METTL21C: variants seen among roughly 807,000 people sequenced by gnomAD.
The protein encoded by METTL21C is methyltransferase 21C, AARS1 lysine.
A neutral mutation model predicts 25.9 loss-of-function variants in METTL21C; 21 were observed. That is an observed-to-expected ratio of 0.81 (90% CI 0.58 to 1.17). The LOEUF (loss-of-function observed/expected upper bound fraction) is 1.17. Ranked by LOEUF, METTL21C falls within the 50% of genes most tolerant of loss-of-function variation. The pLI is 0.00. For missense variants in METTL21C, 312 were observed against 315.1 expected (o/e 0.99, Z 0.07); for synonymous variants, 125 against 124.7 (o/e 1.00, Z -0.01).
chr13:102,698,353 G>T (rs1428292050), upstream of METTL21C, among the ~76,000 whole-genome samples: 1 of 152,176 alleles, frequency 6.6e-6, no homozygotes, highest in African/African-American at 2.4e-5. Context: ...CACGCAGCAT[G>T]GATCATGAGG....
intron 1 of METTL21C, 38 bp downstream of exon 1, chr13:102,694,331 C>T (rs1273103539): frequency 2.5e-6 from 4 of 1,584,340 alleles, no homozygotes; most frequent in Non-Finnish European, 3.4e-6. Flanking sequence ...AGGAAAACAA[C>T]TGAGGAAAAC....
At chr13:102,691,767 G>A (rs1327138719) in intron 1 of METTL21C, among the ~76,000 whole-genome samples, 1 of 152,236 alleles carries the variant, frequency 6.6e-6, no homozygotes, top group African/African-American at 2.4e-5. Context: ...CAGCCCCACA[G>A]CCCTGGGGGA....
the METTL21C span, among the ~76,000 whole-genome samples, chr13:102,701,933 G>A: frequency 1.4e-3 from 213 of 152,266 alleles, 1 homozygote; most frequent in African/African-American, 4.9e-3. Context: ...GGGAGGCTGA[G>A]GCGGGCAAAT....
chr13:102,702,871 G>T, the METTL21C span, among the ~76,000 whole-genome samples: 1 of 152,138 alleles, frequency 6.6e-6, no homozygotes, highest in Admixed American at 6.5e-5. Flanking sequence ...GATTACAGCC[G>T]TGAGCCACTG....
At position 102,686,976 on chromosome 13, in the gene METTL21C, C is replaced by G; in HGVS notation, c.364G>C (p.Gly122Arg). 2 of 1,614,056 alleles carry G rather than the reference C, an allele frequency of 1.2e-6. No individual in the cohort carries two copies. The highest frequency in any genetic ancestry group is 1.7e-6 in the Non-Finnish European group (2 of 1,179,944). Residue 122 changes from glycine to arginine, a missense_variant, in exon 3 of 4, where the codon GGA (glycine) becomes CGA (arginine). Transcript: ENST00000267273. ...GCCACAATGGAAACAAGGCCTGGTC[C>G]GGCACCAATTTCAAGTATTTTTGCA... is the stretch of plus-strand genomic sequence containing the variant. ...QDAKILEIGAGPGLVSIVASI... is the reference protein window; with the variant it reads ...QDAKILEIGARPGLVSIVASI...
At chr13:102,693,245 C>T (rs902991536) in intron 1 of METTL21C, among the ~76,000 whole-genome samples, 12 of 152,260 alleles carry the variant, frequency 7.9e-5, no homozygotes, top group Non-Finnish European at 1.5e-4. Flanking sequence ...ATCAACTTTG[C>T]TTTTAATATA....
Position 102,686,006 on chromosome 13 carries a change from C to A in METTL21C, c.*25G>T. ...ACACATTGCTCAAAAGACACAGTAA[C>A]GTTGTGAAAGGCATTTTGTTGGATT... On this transcript the variant is annotated 3_prime_UTR_variant, in exon 4 of 4. Coordinates refer to ENST00000267273, the MANE Select transcript of METTL21C (RefSeq NM_001010977.3). 1 of 1,542,040 alleles carries A rather than the reference C, an allele frequency of 6.5e-7. No homozygotes were observed. Among genetic ancestry groups the A allele is most frequent in the Non-Finnish European group, 8.7e-7 (1 of 1,143,284 alleles).
In METTL21C at chr13:102,694,873, T is replaced by TTCTCTCTC. The variant is rs111474584; in HGVS notation, c.-383_-376dup. ...ATTACTTTGCTAGAATTCTCTCTCT[T>TTCTCTCTC]TCTCTCTCTCTCTCTCTCTCTCTCT... On this transcript the variant is annotated 5_prime_UTR_variant, in exon 1 of 4. Transcript: ENST00000267273. Among the ~76,000 whole-genome samples the TTCTCTCTC allele has an allele frequency of 3.8e-3, 485 of 128,218 alleles. No homozygotes were observed. Among genetic ancestry groups the TTCTCTCTC allele is most frequent in the African/African-American group, 9.2e-3 (312 of 33,736 alleles). 84.1% of individuals were successfully genotyped at this position (128,218 alleles called of 152,430 possible).
At chr13:102,689,505 A>G (rs547481463) in intron 2 of METTL21C, among the ~76,000 whole-genome samples, 1 of 152,338 alleles carries the variant, frequency 6.6e-6, no homozygotes, top group Admixed American at 6.5e-5. Context: ...AGCCCCGTGG[A>G]ACCACTAACC....
rs144294453 is a variant in METTL21C, at chr13:102,693,166, C to T, written c.130+1203G>A. ...TCCTACCGTACAGACACCACAGACA[C>T]GATTAACCTCGAGAGCATAGATATT... On this transcript the variant is annotated intron_variant, in intron 1 of 3. Transcript: ENST00000267273. Among the ~76,000 whole-genome samples the T allele has an allele frequency of 2.7e-3, 410 of 152,066 alleles. 1 individual carries two copies. Among genetic ancestry groups the T allele is most frequent in the African/African-American group, 9.4e-3 (391 of 41,382 alleles).
At chr13:102,703,149 A>G in the METTL21C span, among the ~76,000 whole-genome samples, 1 of 152,172 alleles carries the variant, frequency 6.6e-6, no homozygotes, top group African/African-American at 2.4e-5. Flanking sequence ...TACCAATGAC[A>G]CCTTTCTTTC....
the METTL21C span, among the ~76,000 whole-genome samples, chr13:102,701,581 T>C: frequency 6.6e-6 from 1 of 152,140 alleles, no homozygotes; most frequent in Non-Finnish European, 1.5e-5. Context: ...AGGTTTGTTA[T>C]CACACATACT....
chr13:102,697,960 C>T (rs1885972873), upstream of METTL21C, among the ~76,000 whole-genome samples: 1 of 152,178 alleles, frequency 6.6e-6, no homozygotes, highest in African/African-American at 2.4e-5. Flanking sequence ...ATTTTTCCAG[C>T]AGGACCTCAG....
In METTL21C at chr13:102,686,249, A is replaced by T; in HGVS notation, c.577T>A (p.Ser193Thr). The T allele has an allele frequency of 1.2e-6, 2 of 1,614,200 alleles. No homozygotes were observed. The highest frequency in any genetic ancestry group is 2.2e-5 in the South Asian group (2 of 91,088). ...SAFYYDYVLA[S>T]DVVYHHYFLD... ...AAGTAGTGATGGTAGACCACATCTG[A>T]GGCTAGGACGTAATCATAGTAAAAA... The change falls in exon 4 of 4, where the codon TCA becomes ACA. Residue 193 changes from serine (S) to threonine (T), a missense_variant. Ser to Thr is a moderately conservative substitution (Grantham distance 58, BLOSUM62 1). Transcript: ENST00000267273.
chr13:102,701,614 T>C, the METTL21C span, among the ~76,000 whole-genome samples: 103 of 152,140 alleles, frequency 6.8e-4, no homozygotes, highest in African/African-American at 2.4e-3. Context: ...TGATTGTGTG[T>C]GTGTGTGTGT....
chr13:102,692,104 T>G (rs968187327), intron 1 of METTL21C, among the ~76,000 whole-genome samples: 1 of 152,130 alleles, frequency 6.6e-6, no homozygotes, highest in Admixed American at 6.5e-5. Flanking sequence ...GCCTGGGATA[T>G]GACTGTAAAA....
At position 102,686,079 on chromosome 13, in the gene METTL21C, A is replaced by G. The variant is rs758979011; in HGVS notation, c.747T>C (p.Tyr249=). The G allele has an allele frequency of 6.2e-7, 1 of 1,608,728 alleles. No homozygotes were observed. Among genetic ancestry groups the G allele is most frequent in the South Asian group, 1.1e-5 (1 of 90,302 alleles). Residue 249 remains tyrosine, a synonymous_variant, in exon 4 of 4, where the codon TAT becomes TAC. Coordinates refer to ENST00000267273, the MANE Select transcript of METTL21C (RefSeq NM_001010977.3). ...QVFDTTLLAE[Y]PESSVKLFKG... ...TAAAAAGTTTGACTGATGACTCTGG[A>G]TATTCAGCCAACAGTGTTGTGTCAA... is the stretch of plus-strand genomic sequence containing the variant.
chr13:102,693,913 A>G (rs527471899), intron 1 of METTL21C, among the ~76,000 whole-genome samples: 96 of 152,344 alleles, frequency 6.3e-4, no homozygotes, highest in Middle Eastern at 6.8e-3. Context: ...TGTTATGTCT[A>G]TTATTTATTT....
rs989267382 is a variant in METTL21C at position 102,686,067 on chromosome 13, T to G, written c.759A>C (p.Ser253=). ...TTLLAEYPES[S]VKLFKGILKW... is the part of the protein sequence containing the mutation. ...TTAGTATCCCCTTAAAAAGTTTGAC[T>G]GATGACTCTGGATATTCAGCCAACA... The change falls in exon 4 of 4, where the codon TCA becomes TCC. Residue 253 remains serine (S), a synonymous_variant. Coordinates refer to ENST00000267273, the MANE Select transcript of METTL21C (RefSeq NM_001010977.3). 1 of 1,597,372 alleles carries G rather than the reference T, an allele frequency of 6.3e-7. No individual in the cohort carries two copies. The highest frequency in any genetic ancestry group is 8.6e-7 in the Non-Finnish European group (1 of 1,169,324).
Sources: gnomAD v4.1 joint callset for allele counts (sites outside exome capture counted in the v4.1 genomes callset) on GRCh38, gnomAD v4.1.1 for gene constraint, MANE v1.5 for transcripts, NCBI Gene and HGNC (gene_info 2026-07-23, HGNC 2026-07-21) for gene names.